Variants in BCAS1 observed in about 807,000 individuals in gnomAD.
BCAS1 encodes the protein brain enriched myelin associated protein 1, also known as breast carcinoma-amplified sequence 1.
BCAS1 carries 46 observed loss-of-function variants against 65.4 expected under a neutral mutation model. That is an observed-to-expected ratio of 0.70 (90% CI 0.55 to 0.90). The LOEUF is 0.90. Among genes scored for constraint, BCAS1 ranks in the 40% least tolerant of loss-of-function variants. The probability of loss-of-function intolerance (pLI) is 0.00; values close to 1 mark genes in which losing one functional copy is unlikely to be tolerated. For synonymous variants in BCAS1, 298 were observed against 293.5 expected, an observed-to-expected ratio of 1.02 and a Z score of -0.16; for missense variants, 793 against 771.2, an observed-to-expected ratio of 1.03 and a Z score of -0.33.
intron 3 of BCAS1, among the ~76,000 whole-genome samples, chr20:54,039,310 A>G: frequency 6.6e-6 from 1 of 151,582 alleles, no homozygotes; most frequent in East Asian, 1.9e-4. Flanking sequence ...TGTCTTTGCC[A>G]AGAAATTCTA....
At chr20:54,004,998 G>A (rs1427459419) in intron 4 of BCAS1, among the ~76,000 whole-genome samples, 1 of 152,240 alleles carries the variant, frequency 6.6e-6, no homozygotes, top group African/African-American at 2.4e-5. Context: ...TACAGAGGAA[G>A]CATTCAGTAA....
chr20:53,949,042 C>T (rs1464347946), intron 12 of BCAS1, among the ~76,000 whole-genome samples: 1 of 152,086 alleles, frequency 6.6e-6, no homozygotes, highest in African/African-American at 2.4e-5. Context: ...GCGCTGCACA[C>T]AATCTAGCAC....
intron 4 of BCAS1, 188 bp downstream of exon 4, chr20:54,028,204 A>G (rs1487851670): frequency 1.6e-6 from 1 of 636,326 alleles, no homozygotes; most frequent in African/African-American, 1.8e-5. Context: ...ATTGTTCTTC[A>G]CACAGAAGTT....
chr20:54,060,726 A>T (rs1424054879), intron 1 of BCAS1, among the ~76,000 whole-genome samples: 1 of 152,160 alleles, frequency 6.6e-6, no homozygotes, highest in Non-Finnish European at 1.5e-5. Flanking sequence ...TAATGTGGTT[A>T]TTGTCCCATA....
chr20:53,957,408 C>G, intron 11 of BCAS1, 24 bp downstream of exon 11: 9 of 1,603,404 alleles, frequency 5.6e-6, no homozygotes, highest in Non-Finnish European at 7.7e-6. Context: ...ATCCCACCAC[C>G]AAACTGAGTT....
chr20:54,065,996 A>G (rs900290720), intron 1 of BCAS1, among the ~76,000 whole-genome samples: 2 of 152,150 alleles, frequency 1.3e-5, no homozygotes, highest in African/African-American at 4.8e-5. Context: ...CGCCTACCTT[A>G]TGCCAGCCAT....
intron 3 of BCAS1, among the ~76,000 whole-genome samples, chr20:54,037,808 A>G (rs954374558): frequency 6.6e-6 from 1 of 151,168 alleles, no homozygotes; most frequent in African/African-American, 2.4e-5. Flanking sequence ...TGTGGTAACC[A>G]AAGCAGGAAC....
chr20:54,024,559 G>A (rs896696867), intron 4 of BCAS1, among the ~76,000 whole-genome samples: 6 of 152,236 alleles, frequency 3.9e-5, no homozygotes, highest in African/African-American at 1.4e-4. Flanking sequence ...TCAACCCATA[G>A]CAGTATTTAA....
chr20:54,058,851 A>AT (rs2092339535), intron 1 of BCAS1, 128 bp from the exon 2 acceptor site: 2 of 998,386 alleles, frequency 2.0e-6, no homozygotes, highest in Admixed American at 4.8e-5. Context: ...ATCAGAACAA[A>AT]TTGCTTGTAT....
At chr20:54,067,592 C>G (rs1456240923) in intron 1 of BCAS1, among the ~76,000 whole-genome samples, 1 of 152,174 alleles carries the variant, frequency 6.6e-6, no homozygotes, top group Non-Finnish European at 1.5e-5. Flanking sequence ...CCTCAAATCC[C>G]TCCTCTTTTA....
Position 54,024,647 on chromosome 20 carries a change from A to C in BCAS1, c.723+3745T>G, listed in dbSNP as rs373491182. ...CAAGAAGTGAACCCTGGGGAAGTCC[A>C]ACATTTAGAGGGTGAGATCCAGCAA... On this transcript the variant is annotated intron_variant, in intron 4 of 12. Transcript: ENST00000688948. Among the ~76,000 whole-genome samples, 21 of 152,164 alleles carry C rather than the reference A, an allele frequency of 1.4e-4. 1 individual carries two copies. Among genetic ancestry groups the C allele is most frequent in the East Asian group, 9.7e-4 (5 of 5,176 alleles).
At chr20:53,975,921 C>T (rs1353734180) in intron 8 of BCAS1, among the ~76,000 whole-genome samples, 2 of 152,180 alleles carry the variant, frequency 1.3e-5, no homozygotes, top group Non-Finnish European at 2.9e-5. Flanking sequence ...AGGGTCCAAG[C>T]CCTACCCTGA....
At chr20:54,063,918 C>G (rs1187257298) in intron 1 of BCAS1, among the ~76,000 whole-genome samples, 3 of 152,170 alleles carry the variant, frequency 2.0e-5, no homozygotes, top group East Asian at 1.9e-4. Flanking sequence ...AATGCCCTTT[C>G]TTTCATGAAC....
At chr20:54,032,239 T>C (rs2091816494) in intron 3 of BCAS1, among the ~76,000 whole-genome samples, 1 of 151,274 alleles carries the variant, frequency 6.6e-6, no homozygotes, top group African/African-American at 2.4e-5. Flanking sequence ...CTAAGCTTCA[T>C]AAGCAAAAGA....
chr20:53,972,167 C>T (rs1190115969), intron 9 of BCAS1, among the ~76,000 whole-genome samples: 2 of 152,108 alleles, frequency 1.3e-5, no homozygotes, highest in Non-Finnish European at 2.9e-5. Flanking sequence ...AGCCAGAAGT[C>T]GTTATTTAAA....
intron 1 of BCAS1, among the ~76,000 whole-genome samples, chr20:54,060,297 G>T (rs141664203): frequency 6.6e-6 from 1 of 152,146 alleles, no homozygotes; most frequent in Non-Finnish European, 1.5e-5. Flanking sequence ...AAATGCATAG[G>T]GTTCTAAGTT....
intron 6 of BCAS1, among the ~76,000 whole-genome samples, chr20:53,994,212 A>T (rs181694767): frequency 2.6e-5 from 4 of 152,340 alleles, no homozygotes; most frequent in African/African-American, 9.6e-5. Context: ...ACTTTCCGAT[A>T]TCAGAAGAAG....
intron 1 of BCAS1, among the ~76,000 whole-genome samples, chr20:54,070,035 A>G (rs1326320726): frequency 6.6e-6 from 1 of 152,154 alleles, no homozygotes; most frequent in Non-Finnish European, 1.5e-5. Context: ...GCCTGAGGTG[A>G]AGGCTCAGAT....
chr20:54,029,201 G>A (rs771813463), intron 3 of BCAS1: 1 of 985,422 alleles, frequency 1.0e-6, no homozygotes, highest in Non-Finnish European at 1.2e-6. Context: ...TTAATGGAAA[G>A]TCACTAGCTG....
Sources: gnomAD v4.1 joint callset for allele counts (sites outside exome capture counted in the v4.1 genomes callset) on GRCh38, gnomAD v4.1.1 for gene constraint, MANE v1.5 for transcripts, NCBI Gene and HGNC (gene_info 2026-07-23, HGNC 2026-07-21) for gene names.